Variants in GRK1 observed in about 807,000 individuals in gnomAD.
GRK1 encodes the protein rhodopsin kinase GRK1.
A neutral mutation model predicts 41.7 loss-of-function variants in GRK1; 28 were observed. The ratio of observed to expected loss-of-function variants is 0.67; its 90% CI spans 0.50 to 0.92. The LOEUF is 0.92. Among genes scored for constraint, GRK1 ranks in the 40% least tolerant of loss-of-function variants. GRK1 has a pLI of 0.00. For missense variants in GRK1, 703 were observed against 671.2 expected, an observed-to-expected ratio of 1.05 and a Z score of -0.52; for synonymous variants, 327 against 286.7, an observed-to-expected ratio of 1.14 and a Z score of -1.42.
the GRK1 span, chr13:113,650,509 T>C: frequency 1.2e-6 from 2 of 1,609,442 alleles, no homozygotes; most frequent in Non-Finnish European, 1.7e-6. The surrounding 1 kb of genome is among the most constrained non-coding windows in gnomAD (Gnocchi z 5.0). Context: ...GGGCTGGTCC[T>C]GGGGAGGAGA....
chr13:113,723,258 A>C (rs2049867935), intron 4 of GRK1, 101 bp downstream of exon 4: 3 of 578,178 alleles, frequency 5.2e-6, no homozygotes, highest in Non-Finnish European at 9.8e-6. Context: ...GAGTTTGTGT[A>C]TATAGGTGTG....
At chr13:113,663,141 A>G (rs937115811), upstream of GRK1, among the ~76,000 whole-genome samples, 11 of 152,152 alleles carry the variant, frequency 7.2e-5, no homozygotes, top group African/African-American at 2.7e-4. Context: ...TCAGAGGGAG[A>G]CACATAGATC....
chr13:113,725,245 C>T (rs985076462), intron 4 of GRK1, among the ~76,000 whole-genome samples: 3 of 152,104 alleles, frequency 2.0e-5, no homozygotes, highest in African/African-American at 7.3e-5. Context: ...TCCCCCTTGC[C>T]AGTGCGGTGC....
At position 113,671,788 on chromosome 13, in the gene GRK1, C is replaced by T; in HGVS notation, c.985+132C>T. 1.5e-6 allele frequency: 1 copy of T among 662,736 alleles called. No individual in the cohort carries two copies. The highest frequency in any genetic ancestry group is 2.8e-6 in the Non-Finnish European group (1 of 362,588). The allele number at this position is 662,736 out of a possible 1,614,324, so 41.1% of individuals were successfully genotyped here. A position where few individuals can be genotyped will look rare whatever the true frequency, so the allele number is the denominator to read the frequency against. On this transcript the variant is annotated intron_variant, in intron 3 of 6. Coordinates refer to ENST00000335678, the MANE Select transcript of GRK1 (RefSeq NM_002929.3). The surrounding 1 kb of genome is among the most constrained non-coding windows in gnomAD (Gnocchi z 4.1). ...GGTGGGGGTTCATGAGGGCTGACGG[C>T]TTCGTGGACGGTGGAGGTGTCATCG... is the stretch of plus-strand genomic sequence containing the variant.
intron 6 of GRK1, among the ~76,000 whole-genome samples, chr13:113,733,990 A>G (rs879778620): frequency 0.06 from 7,338 of 121,940 alleles, 305 homozygotes; most frequent in Middle Eastern, 0.11. Flanking sequence ...ATGTGTGTGC[A>G]TACATGTGTG....
upstream of GRK1, among the ~76,000 whole-genome samples, chr13:113,663,845 G>A (rs2049802573): frequency 6.6e-6 from 1 of 152,188 alleles, no homozygotes; most frequent in African/African-American, 2.4e-5. Flanking sequence ...ATCGCTGGTG[G>A]GAATGTAAAA....
rs778067598 is a variant in GRK1, at chr13:113,667,739, AG to A, written c.355del (p.Ala119ProfsTer12). 22 of 1,613,900 alleles carry A rather than the reference AG, an allele frequency of 1.4e-5. No individual in the cohort carries two copies. Among genetic ancestry groups the A allele is most frequent in the Non-Finnish European group, 1.8e-5 (21 of 1,179,848 alleles). On this transcript the variant is annotated frameshift_variant, in exon 1 of 7. Coordinates refer to ENST00000335678, the MANE Select transcript of GRK1 (RefSeq NM_002929.3). LOFTEE classifies it high-confidence loss of function. The surrounding 1 kb of genome is among the most constrained non-coding windows in gnomAD (Gnocchi z 7.5). ...ATCCTGGCCCAGTACCTGGACCCCC[AG>A]GCCAAACTCTTCTGCAGCTTCCTGG... ...QTILAQYLDPQAKLFCSFLDE... is the reference protein window; with the variant it reads ...QTILAQYLDPXAKLFCSFLDE...
chr13:113,733,945 C>CGTGTGTGTGTGCATACGTGTGTAT (rs1409669587), intron 6 of GRK1, among the ~76,000 whole-genome samples: 2 of 80,322 alleles, frequency 2.5e-5, no homozygotes, highest in African/African-American at 1.1e-4. Context: ...TACGTGTGTG[C>CGTGTGTGTGTGCATACGTGTGTAT]GTGTGTGTGC....
At chr13:113,649,002 T>TG in the GRK1 span, 4,810 of 161,760 alleles carry the variant, frequency 0.03, 113 homozygotes, top group African/African-American at 0.064. This position sits in a 1 kb window ranked among gnomAD's most constrained non-coding sequence, Gnocchi z 4.7. Context: ...TATATTAATG[T>TG]GGGGGGGGCA....
chr13:113,670,812 C>T (rs80104087), intron 2 of GRK1, among the ~76,000 whole-genome samples: 6 of 128,218 alleles, frequency 4.7e-5, no homozygotes, highest in Non-Finnish European at 9.9e-5. Flanking sequence ...GGTGCCCAGG[C>T]GGAGGGGAGG....
At chr13:113,649,467 G>T in the GRK1 span, 2 of 1,563,808 alleles carry the variant, frequency 1.3e-6, no homozygotes, top group Non-Finnish European at 1.7e-6. This position sits in a 1 kb window ranked among gnomAD's most constrained non-coding sequence, Gnocchi z 4.7. Flanking sequence ...CCTTGCACAC[G>T]ATGGCGACCT....
chr13:113,657,326 G>A, the GRK1 span, among the ~76,000 whole-genome samples: 4 of 152,214 alleles, frequency 2.6e-5, no homozygotes, highest in African/African-American at 9.6e-5. Context: ...AGGGGGAGGT[G>A]GGGGCGCACA....
chr13:113,724,954 C>G (rs1465815535), intron 4 of GRK1, among the ~76,000 whole-genome samples: 2 of 152,358 alleles, frequency 1.3e-5, no homozygotes, highest in African/African-American at 4.8e-5. Flanking sequence ...AAGGGCCCAG[C>G]TTCCAGGCCG....
chr13:113,734,219 A>T (rs2140739191), intron 6 of GRK1, among the ~76,000 whole-genome samples: 1 of 152,278 alleles, frequency 6.6e-6, no homozygotes, highest in South Asian at 2.1e-4. Flanking sequence ...AGACCCCCCA[A>T]ACGAGAAGTC....
At position 113,732,880 on chromosome 13, in the gene GRK1, A is replaced by AT; in HGVS notation, c.1195-4_1195-3insT. The AT allele has an allele frequency of 6.5e-7, 1 of 1,535,176 alleles. No individual in the cohort carries two copies. The highest frequency in any genetic ancestry group is 1.2e-5 in the South Asian group (1 of 83,990). ...CAGGGCTAAGGCTACGCGTGTCCCCACAGGTGGAGAACAAGGAGCTGAAGC... is the reference window on the plus strand; with the variant it reads ...CAGGGCTAAGGCTACGCGTGTCCCCATCAGGTGGAGAACAAGGAGCTGAAGC... On this transcript the variant is annotated splice_polypyrimidine_tract_variant and splice_region_variant and intron_variant, in intron 5 of 6. Coordinates refer to ENST00000335678, the MANE Select transcript of GRK1 (RefSeq NM_002929.3).
At chr13:113,650,376 G>T in the GRK1 span, 2 of 1,591,268 alleles carry the variant, frequency 1.3e-6, no homozygotes, top group Non-Finnish European at 1.7e-6. This position sits in a 1 kb window ranked among gnomAD's most constrained non-coding sequence, Gnocchi z 5.0. Context: ...AGCAGCTGTG[G>T]TGAGGGAAGC....
rs1301263493 is a variant in GRK1 at position 113,671,167 on chromosome 13, T to G, written c.828-332T>G. On this transcript the variant is annotated intron_variant, in intron 2 of 6. Transcript: ENST00000335678. The surrounding 1 kb of genome is among the most constrained non-coding windows in gnomAD (Gnocchi z 4.1). ...CTGATGAACTTGGGGCCTGCGGAGC[T>G]GCATCCCACCTCGGCCTCGGCCTGG... 6.6e-6 allele frequency among the ~76,000 whole-genome samples: 1 copy of G among 152,230 alleles called. No homozygotes were observed. The highest frequency in any genetic ancestry group is 1.9e-4 in the East Asian group (1 of 5,192).
In GRK1 at chr13:113,731,355, C is replaced by T. The variant is rs1435920402; in HGVS notation, c.1194+12C>T. The T allele has an allele frequency of 2.6e-6, 4 of 1,536,500 alleles. No homozygotes were observed. In the Admixed American group the frequency reaches 5.9e-5, roughly 23 times the overall value. Reference sequence around the variant, plus strand: ...CCCGTGGAGAGAAGGTAGGAGGCGGCCGGCAGGTGTCTCTGCAGCCACCTT... The same window carrying T: ...CCCGTGGAGAGAAGGTAGGAGGCGGTCGGCAGGTGTCTCTGCAGCCACCTT... On this transcript the variant is annotated intron_variant, in intron 5 of 6. Transcript: ENST00000335678. This position sits in a 1 kb window ranked among gnomAD's most constrained non-coding sequence, Gnocchi z 5.6.
the GRK1 span, among the ~76,000 whole-genome samples, chr13:113,651,310 A>C: frequency 5.1e-4 from 78 of 152,362 alleles, no homozygotes; most frequent in African/African-American, 1.9e-3. Flanking sequence ...CAGTTAAACA[A>C]CTGTAGCTGC....
Sources: gnomAD v4.1 joint callset for allele counts (sites outside exome capture counted in the v4.1 genomes callset) on GRCh38, gnomAD v4.1.1 for gene constraint, Gnocchi (gnomAD v3.1) non-coding constraint, MANE v1.5 for transcripts, NCBI Gene and HGNC (gene_info 2026-07-23, HGNC 2026-07-21) for gene names.